Variants in BRME1 observed in about 807,000 individuals in gnomAD.
BRME1 encodes the protein BRCA2 and MEILB2-associating protein 1.
Under a neutral mutation model 52.6 loss-of-function variants are expected in BRME1, and 31 were observed. The ratio of observed to expected loss-of-function variants is 0.59; its 90% CI spans 0.44 to 0.80. The LOEUF is 0.80. BRME1 is among the 30% of genes least tolerant of loss of function. The pLI, the probability that BRME1 is intolerant of heterozygous loss-of-function variation, is 0.00. For synonymous variants in BRME1, 359 were observed against 353.6 expected (o/e 1.02, Z -0.17); for missense variants, 804 against 860.3 (o/e 0.93, Z 0.82).
chr19:13,886,640 G>T (rs189097923), intron 6 of BRME1, among the ~76,000 whole-genome samples: 1 of 152,030 alleles, frequency 6.6e-6, no homozygotes, highest in Admixed American at 6.6e-5. Flanking sequence ...GTTAAGCTCC[G>T]TTACAGTGGT....
Position 13,890,223 on chromosome 19 carries a change from G to T in BRME1, c.633C>A (p.His211Gln), listed in dbSNP as rs370180523. 6.2e-7 allele frequency: 1 copy of T among 1,614,076 alleles called. No homozygotes were observed. The highest frequency in any genetic ancestry group is 1.3e-5 in the African/African-American group (1 of 74,940). ...TGTCATCGGCCCCTTGTTCTGACAG[G>T]TGGTCTTGGCTGGCCCTCTGTGAGG... ...LSASQRASQD[H>Q]LSEQGADDSK... Residue 211 changes from histidine to glutamine, a missense_variant, in exon 6 of 9, where the codon CAC (histidine) becomes CAA (glutamine). This residue lies in a region of BRME1 where 18 missense variants were observed against 41.1 expected (regional missense o/e 0.44). Coordinates refer to ENST00000586783, the MANE Select transcript of BRME1 (RefSeq NM_001345843.2).
In BRME1 at chr19:13,883,571, G is replaced by A; in HGVS notation, c.1764-171C>T. Reference sequence around the variant, plus strand: ...CCAACCCAGCTGGCTCCACTGCCCAGCAGGCCCAGAACCCAACCGCTTCTC... The same window carrying A: ...CCAACCCAGCTGGCTCCACTGCCCAACAGGCCCAGAACCCAACCGCTTCTC... On this transcript the variant is annotated intron_variant, in intron 7 of 8. Transcript: ENST00000586783. The surrounding 1 kb of genome is among the most constrained non-coding windows in gnomAD (Gnocchi z 4.2). 1 of 583,886 alleles carries A rather than the reference G, an allele frequency of 1.7e-6. No homozygotes were observed. Among genetic ancestry groups the A allele is most frequent in the Non-Finnish European group, 3.1e-6 (1 of 325,962 alleles). The allele number at this position is 583,886 out of a possible 1,614,324, so 36.2% of individuals were successfully genotyped here.
In BRME1 at chr19:13,883,498, TC is replaced by T; in HGVS notation, c.1764-99del. 2.3e-6 allele frequency: 2 copies of T among 875,366 alleles called. No individual in the cohort carries two copies. The highest frequency in any genetic ancestry group is 3.6e-6 in the Non-Finnish European group (2 of 559,400). The allele number at this position is 875,366 out of a possible 1,614,324, so 54.2% of individuals were successfully genotyped here. A position where few individuals can be genotyped will look rare whatever the true frequency, so the allele number is the denominator to read the frequency against. ...TTCCGCAGGGCCTCGCGCCATCTTT[TC>T]CAGGTGTCCAGCCTGTCCTCCTCTG... is the stretch of plus-strand genomic sequence containing the variant. On this transcript the variant is annotated intron_variant, in intron 7 of 8. Transcript: ENST00000586783. The surrounding 1 kb of genome is among the most constrained non-coding windows in gnomAD (Gnocchi z 4.2).
rs137883533 is a variant in BRME1 at position 13,903,149 on chromosome 19, T to C, written c.31+1713A>G. 2.6e-3 allele frequency among the ~76,000 whole-genome samples: 402 copies of C among 152,268 alleles called. 1 individual carries two copies. Among genetic ancestry groups the C allele is most frequent in the African/African-American group, 9.4e-3 (390 of 41,566 alleles). On this transcript the variant is annotated intron_variant, in intron 2 of 8. Transcript: ENST00000586783. The stretch of plus-strand genomic sequence containing the variant: ...TTTTCTTAAAAGTCTGGAAGAAGAA[T>C]TGTTAACAGCAGTGTACATTTGTGT...
chr19:13,895,842 A>G (rs899237622), intron 2 of BRME1, among the ~76,000 whole-genome samples: 5 of 152,204 alleles, frequency 3.3e-5, no homozygotes, highest in Non-Finnish European at 7.3e-5. Context: ...ACTGGGACTC[A>G]CAGCCACCGG....
Position 13,883,872 on chromosome 19 carries a change from T to TGGTGGTG in BRME1, c.1764-479_1764-473dup, listed in dbSNP as rs59834121. ...ATGTTCTTTCCCAAATGTCTCCTCC[T>TGGTGGTG]GGTGGTGGCTTCCCTGATTCCTCCT... On this transcript the variant is annotated intron_variant, in intron 7 of 8. Coordinates refer to ENST00000586783, the MANE Select transcript of BRME1 (RefSeq NM_001345843.2). This position sits in a 1 kb window ranked among gnomAD's most constrained non-coding sequence, Gnocchi z 4.2. Among the ~76,000 whole-genome samples, 55,836 of 151,416 alleles carry TGGTGGTG rather than the reference T, an allele frequency of 0.37. 14,687 individuals are homozygous for TGGTGGTG. The highest frequency in any genetic ancestry group is 0.75 in the African/African-American group (30,946 of 41,080).
rs543664733 is a variant in BRME1, at chr19:13,886,953, G to A, written c.1669-898C>T. ...ACTGCACTCCAGCCTGGGCGACAGA[G>A]CAAGGCCCTGTCTCTAAAATTTAAA... On this transcript the variant is annotated intron_variant, in intron 6 of 8. Coordinates refer to ENST00000586783, the MANE Select transcript of BRME1 (RefSeq NM_001345843.2). Among the ~76,000 whole-genome samples the A allele has an allele frequency of 1.7e-4, 26 of 152,296 alleles. 1 individual carries two copies. The highest frequency in any genetic ancestry group is 5.1e-4 in the African/African-American group (21 of 41,562).
Position 13,889,229 on chromosome 19 carries a change from C to A in BRME1, c.1627G>T (p.Asp543Tyr). ...LDFLLDSQIQ[D>Y]ALDASDFEAP... ...TCGAAGTCAGAGGCGTCCAGGGCAT[C>A]CTGTATCTGGCTGTCCAGCAGGAAG... Residue 543 changes from aspartate to tyrosine, a missense_variant, in exon 6 of 9, where the codon GAT becomes TAT. By Grantham distance (160) the Asp-to-Tyr change is radical (BLOSUM62 -3). This residue lies in a region of BRME1 where 552 missense variants were observed against 561.1 expected (regional missense o/e 0.98). Transcript: ENST00000586783. 6.2e-7 allele frequency: 1 copy of A among 1,610,790 alleles called. No individual in the cohort carries two copies. The highest frequency in any genetic ancestry group is 8.5e-7 in the Non-Finnish European group (1 of 1,178,146).
chr19:13,889,490 G>C lies in BRME1; in HGVS notation c.1366C>G (p.Gln456Glu), dbSNP rs147206426. The C allele has an allele frequency of 3.1e-6, 5 of 1,613,900 alleles. No homozygotes were observed. Among genetic ancestry groups the C allele is most frequent in the Non-Finnish European group, 4.2e-6 (5 of 1,180,016 alleles). ...VNQKQEPGPA[Q>E]EEAELGGQNL... is the part of the protein sequence containing the mutation. The stretch of plus-strand genomic sequence containing the variant: ...TGGCCACCTAACTCGGCTTCCTCTT[G>C]AGCAGGACCTGGCTCCTGCTTCTGA... The change falls in exon 6 of 9, where the codon CAA (glutamine) becomes GAA (glutamate). Residue 456 changes from glutamine (Q) to glutamate (E), a missense_variant. Around this residue, in one of 3 missense-constraint regions of BRME1, gnomAD observed 552 missense variants for 561.1 expected, o/e 0.98. Coordinates refer to ENST00000586783, the MANE Select transcript of BRME1 (RefSeq NM_001345843.2).
Position 13,883,032 on chromosome 19 carries a change from G to T in BRME1, c.1857-80C>A, listed in dbSNP as rs938480553. 8 of 1,526,060 alleles carry T rather than the reference G, an allele frequency of 5.2e-6. No individual in the cohort carries two copies. Among genetic ancestry groups the T allele is most frequent in the Non-Finnish European group, 7.1e-6 (8 of 1,127,834 alleles). The allele number at this position is 1,526,060 out of a possible 1,614,324, so 94.5% of individuals were successfully genotyped here. A position where few individuals can be genotyped will look rare whatever the true frequency, so the allele number is the denominator to read the frequency against. On this transcript the variant is annotated intron_variant, in intron 8 of 8. Coordinates refer to ENST00000586783, the MANE Select transcript of BRME1 (RefSeq NM_001345843.2). This position sits in a 1 kb window ranked among gnomAD's most constrained non-coding sequence, Gnocchi z 4.2. The stretch of plus-strand genomic sequence containing the variant: ...GGGGGCCGCGCCTCACAGCCACATG[G>T]TCACCAATGACTCAGGTGCACACAC...
chr19:13,883,671 C>T lies in BRME1; in HGVS notation c.1764-271G>A. 2 of 418,800 alleles carry T rather than the reference C, an allele frequency of 4.8e-6. No individual in the cohort carries two copies. Among genetic ancestry groups the T allele is most frequent in the East Asian group, 4.1e-5 (1 of 24,616 alleles). 25.9% of individuals were successfully genotyped at this position (418,800 alleles called of 1,614,324 possible). A position where few individuals can be genotyped will look rare whatever the true frequency, so the allele number is the denominator to read the frequency against. Reference sequence around the variant, plus strand: ...TCCTGCCCCTGTGGCTTGTCCCCCACAGGCACTGGGGGCTGTGAACTTGGA... The same window carrying T: ...TCCTGCCCCTGTGGCTTGTCCCCCATAGGCACTGGGGGCTGTGAACTTGGA... On this transcript the variant is annotated intron_variant, in intron 7 of 8. Transcript: ENST00000586783. The surrounding 1 kb of genome is among the most constrained non-coding windows in gnomAD (Gnocchi z 4.2).
intron 2 of BRME1, among the ~76,000 whole-genome samples, chr19:13,903,406 C>T (rs1970427304): frequency 6.6e-6 from 1 of 152,024 alleles, no homozygotes; most frequent in Non-Finnish European, 1.5e-5. Flanking sequence ...GGCACGGTGG[C>T]TCCCACCTGT....
At chr19:13,887,601 A>C (rs1217326508) in intron 6 of BRME1, among the ~76,000 whole-genome samples, 1 of 152,054 alleles carries the variant, frequency 6.6e-6, no homozygotes, top group African/African-American at 2.4e-5. Context: ...GCCACCACTC[A>C]CGAGACCACA....
Position 13,882,818 on chromosome 19 carries a change from G to A in BRME1, c.1991C>T (p.Pro664Leu). ...CAAAGTGGCCTACAACTCCCTCCAG[G>A]GTGGGTCCCCTCGAGGGATATTCCC... ...GPGNIPRGDPPWREL is the reference protein window; with the variant it reads ...GPGNIPRGDPLWREL The change falls in exon 9 of 9, where the codon CCC (proline) becomes CTC (leucine). Residue 664 changes from proline (P) to leucine (L), a missense_variant. Coordinates refer to ENST00000586783, the MANE Select transcript of BRME1 (RefSeq NM_001345843.2). 2 of 1,613,970 alleles carry A rather than the reference G, an allele frequency of 1.2e-6. No homozygotes were observed. The highest frequency in any genetic ancestry group is 8.5e-7 in the Non-Finnish European group (1 of 1,179,964).
intron 2 of BRME1, among the ~76,000 whole-genome samples, chr19:13,904,037 T>G (rs181656735): frequency 9.8e-5 from 15 of 152,310 alleles, no homozygotes; most frequent in African/African-American, 3.1e-4. Flanking sequence ...ACCAGAGGCT[T>G]GCAGAAGCTC....
rs1460634148 is a variant in BRME1, at chr19:13,889,480, G to A, written c.1376C>T (p.Ala459Val). 1.2e-6 allele frequency: 2 copies of A among 1,613,892 alleles called. No homozygotes were observed. The change falls in exon 6 of 9, where the codon GCC becomes GTC. Residue 459 changes from alanine to valine, a missense_variant. By Grantham distance (64) the Ala-to-Val change is moderately conservative. This residue lies in a region of BRME1 where 552 missense variants were observed against 561.1 expected (regional missense o/e 0.98). Coordinates refer to ENST00000586783, the MANE Select transcript of BRME1 (RefSeq NM_001345843.2). ...KQEPGPAQEE[A>V]ELGGQNLERD... ...TTCGAGGTTCTGGCCACCTAACTCG[G>A]CTTCCTCTTGAGCAGGACCTGGCTC...
intron 6 of BRME1, among the ~76,000 whole-genome samples, chr19:13,886,509 G>A (rs1033942508): frequency 1.3e-5 from 2 of 152,242 alleles, no homozygotes; most frequent in African/African-American, 4.8e-5. Flanking sequence ...CATCCTGTTA[G>A]GAAAGGAGTT....
chr19:13,895,456 T>C lies in BRME1; in HGVS notation c.122A>G (p.His41Arg), dbSNP rs1192657930. Reference sequence around the variant, plus strand: ...TTTGCCCTCTGGCTCCTCAGGGTGATGTAAACAGCCCAACATGGAACTCTG... The same window carrying C: ...TTTGCCCTCTGGCTCCTCAGGGTGACGTAAACAGCCCAACATGGAACTCTG... ...DPQSSMLGCL[H>R]HPEEPEGKLG... Residue 41 changes from histidine (H) to arginine (R), a missense_variant, in exon 3 of 9, where the codon CAT (histidine) becomes CGT (arginine). By Grantham distance (29) the His-to-Arg change is conservative. This residue lies in a region of BRME1 where 234 missense variants were observed against 258.1 expected (regional missense o/e 0.91). Transcript: ENST00000586783. 6.2e-7 allele frequency: 1 copy of C among 1,614,154 alleles called. No individual in the cohort carries two copies. Among genetic ancestry groups the C allele is most frequent in the East Asian group, 2.2e-5 (1 of 44,878 alleles).
At position 13,901,956 on chromosome 19, in the gene BRME1, C is replaced by T. The variant is rs544797433; in HGVS notation, c.31+2906G>A. On this transcript the variant is annotated intron_variant, in intron 2 of 8. Coordinates refer to ENST00000586783, the MANE Select transcript of BRME1 (RefSeq NM_001345843.2). ...TCCGGAGGCTGAGGTGGGAAGATCA[C>T]CTGAGCCTGGGGAGGTCGAGGCTGC... 2.6e-5 allele frequency among the ~76,000 whole-genome samples: 4 copies of T among 151,596 alleles called. No individual in the cohort carries two copies. The Admixed American group carries it at 2.6e-4, about 10-fold the overall frequency.
Sources: allele counts gnomAD v4.1 joint callset (sites outside exome capture counted in the v4.1 genomes callset), GRCh38; gene constraint gnomAD v4.1.1; regional missense constraint gnomAD v4.1.1; non-coding constraint Gnocchi (gnomAD v3.1); transcripts MANE v1.5; gene names NCBI Gene and HGNC (gene_info 2026-07-23, HGNC 2026-07-21).